Variants in ZCWPW2 observed in about 807,000 individuals in gnomAD.
ZCWPW2 encodes the protein zinc finger CW-type and PWWP domain containing 2, also known as zinc finger CW-type PWWP domain protein 2.
A neutral mutation model predicts 46.6 loss-of-function variants in ZCWPW2; 45 were observed. The ratio of observed to expected loss-of-function variants is 0.96; its 90% CI spans 0.76 to 1.24. The LOEUF (loss-of-function observed/expected upper bound fraction) is 1.24, where lower values mean the gene tolerates loss of function less well. Among genes scored for constraint, ZCWPW2 ranks in the 50% most tolerant of loss-of-function variants. The pLI is 0.00. For missense variants in ZCWPW2, 429 were observed against 403.9 expected, an observed-to-expected ratio of 1.06 and a Z score of -0.53; for synonymous variants, 152 against 137.1, an observed-to-expected ratio of 1.11 and a Z score of -0.76.
chr3:28,368,806 T>C (rs987544174), intron 1 of ZCWPW2, among the ~76,000 whole-genome samples: 3 of 152,244 alleles, frequency 2.0e-5, no homozygotes, highest in African/African-American at 7.2e-5. Context: ...CAATCAGATG[T>C]AGATTTGGTC....
At chr3:28,492,731 G>T (rs1266538730) in intron 6 of ZCWPW2, among the ~76,000 whole-genome samples, 1 of 152,056 alleles carries the variant, frequency 6.6e-6, no homozygotes, top group Non-Finnish European at 1.5e-5. Flanking sequence ...AACTTGGTTG[G>T]GATAGGATGA....
At chr3:28,513,830 A>G (rs539987240) in intron 6 of ZCWPW2, among the ~76,000 whole-genome samples, 1 of 152,036 alleles carries the variant, frequency 6.6e-6, no homozygotes, top group Admixed American at 6.5e-5. Context: ...GGGAGAGTGG[A>G]TAATATGGGA....
At chr3:28,391,542 C>T (rs1266886096) in intron 2 of ZCWPW2, among the ~76,000 whole-genome samples, 1 of 152,110 alleles carries the variant, frequency 6.6e-6, no homozygotes, top group African/African-American at 2.4e-5. Context: ...ACCTGAAATG[C>T]CTGGAGATGG....
intron 5 of ZCWPW2, among the ~76,000 whole-genome samples, chr3:28,491,629 T>A (rs1217952055): frequency 6.6e-6 from 1 of 152,052 alleles, no homozygotes; most frequent in Non-Finnish European, 1.5e-5. Context: ...CCAAGCTGCA[T>A]GACCTCAGGC....
chr3:28,399,872 C>A (rs1575091335), intron 2 of ZCWPW2, among the ~76,000 whole-genome samples: 2 of 152,254 alleles, frequency 1.3e-5, no homozygotes, highest in African/African-American at 2.4e-5. Flanking sequence ...AAACAAGGTT[C>A]TTTAACACCC....
chr3:28,452,403 C>A (rs1301362690), intron 4 of ZCWPW2, among the ~76,000 whole-genome samples: 1 of 152,164 alleles, frequency 6.6e-6, no homozygotes, highest in Non-Finnish European at 1.5e-5. Flanking sequence ...TCCTGCCATT[C>A]TCCTGCTTCA....
chr3:28,451,396 C>CT (rs1698221268), intron 4 of ZCWPW2, among the ~76,000 whole-genome samples: 4 of 152,184 alleles, frequency 2.6e-5, no homozygotes, highest in Admixed American at 2.6e-4. Flanking sequence ...AGTCCAAATT[C>CT]TTTTCTCTTT....
intron 1 of ZCWPW2, among the ~76,000 whole-genome samples, chr3:28,382,798 T>A (rs1695150157): frequency 6.6e-6 from 1 of 152,124 alleles, no homozygotes. Context: ...TTAAGGAAAT[T>A]TCAGGGTACA....
chr3:28,379,753 TTAAA>T (rs1705612676), intron 1 of ZCWPW2, among the ~76,000 whole-genome samples: 1 of 151,976 alleles, frequency 6.6e-6, no homozygotes, highest in Non-Finnish European at 1.5e-5. Context: ...AATAAAGTTG[TTAAA>T]TAAAAAAAAA....
chr3:28,447,152 T>C (rs948193795), intron 4 of ZCWPW2, among the ~76,000 whole-genome samples: 1 of 152,094 alleles, frequency 6.6e-6, no homozygotes, highest in Non-Finnish European at 1.5e-5. Context: ...TCCTAACTCA[T>C]TCTATAAGGC....
At chr3:28,499,558 C>T (rs1384170902) in intron 6 of ZCWPW2, among the ~76,000 whole-genome samples, 3 of 152,042 alleles carry the variant, frequency 2.0e-5, no homozygotes, top group Admixed American at 6.6e-5. Context: ...AGCCCTTTGT[C>T]AGATGGATGG....
At chr3:28,478,241 T>C (rs1699300722) in intron 4 of ZCWPW2, 1 of 244,314 alleles carries the variant, frequency 4.1e-6, no homozygotes, top group Non-Finnish European at 8.4e-6. Context: ...GAATTTTTTA[T>C]TTTTTATTAT....
chr3:28,381,912 C>G (rs976244202), intron 1 of ZCWPW2, among the ~76,000 whole-genome samples: 2 of 152,122 alleles, frequency 1.3e-5, no homozygotes, highest in Non-Finnish European at 2.9e-5. Flanking sequence ...CACCTCTAAT[C>G]CCAGCAATAG....
intron 9 of ZCWPW2, among the ~76,000 whole-genome samples, chr3:28,521,551 G>A (rs73823992): frequency 0.028 from 4,239 of 152,184 alleles, 184 homozygotes; most frequent in African/African-American, 0.094. Context: ...ATTAACATAC[G>A]GGAAGTAGAA....
chr3:28,440,249 G>A (rs1157038138), intron 4 of ZCWPW2, among the ~76,000 whole-genome samples: 1 of 152,184 alleles, frequency 6.6e-6, no homozygotes, highest in Non-Finnish European at 1.5e-5. Flanking sequence ...TTGACTTAAA[G>A]GTAGGAGAAG....
chr3:28,369,735 G>A (rs557532155), intron 1 of ZCWPW2, among the ~76,000 whole-genome samples: 10 of 152,294 alleles, frequency 6.6e-5, no homozygotes, highest in African/African-American at 1.7e-4. Context: ...CTTTTGTTTC[G>A]CTATGCCCTG....
At chr3:28,432,612 T>C (rs1697309381) in intron 3 of ZCWPW2, among the ~76,000 whole-genome samples, 1 of 152,186 alleles carries the variant, frequency 6.6e-6, no homozygotes, top group Non-Finnish European at 1.5e-5. Context: ...TTAGTTGATA[T>C]ATAAGTGCAA....
At chr3:28,389,904 G>A (rs537670729) in intron 1 of ZCWPW2, among the ~76,000 whole-genome samples, 9 of 152,204 alleles carry the variant, frequency 5.9e-5, no homozygotes, top group African/African-American at 1.4e-4. Flanking sequence ...GCCTTCAACC[G>A]ACTGAATGAG....
intron 1 of ZCWPW2, among the ~76,000 whole-genome samples, chr3:28,360,005 T>C (rs899810068): frequency 6.6e-6 from 1 of 152,110 alleles, no homozygotes; most frequent in African/African-American, 2.4e-5. Flanking sequence ...ATATCAATAA[T>C]TACATTAAAT....
Sources: gnomAD v4.1 joint callset for allele counts (sites outside exome capture counted in the v4.1 genomes callset) on GRCh38, gnomAD v4.1.1 for gene constraint, MANE v1.5 for transcripts, NCBI Gene and HGNC (gene_info 2026-07-23, HGNC 2026-07-21) for gene names.